Variants in PADI2 observed in about 807,000 individuals in gnomAD.
The protein encoded by PADI2 is protein-arginine deiminase type-2.
In PADI2, 70 loss-of-function variants were observed where a neutral mutation model predicts 81.1. The ratio of observed to expected loss-of-function variants is 0.86; its 90% CI spans 0.71 to 1.05. The LOEUF (loss-of-function observed/expected upper bound fraction) is 1.05. PADI2 is among the 50% of genes least tolerant of loss of function. PADI2 has a pLI of 0.00. For missense variants in PADI2, 853 were observed against 889.9 expected (o/e 0.96, Z 0.53); for synonymous variants, 338 against 358.0 (o/e 0.94, Z 0.63).
chr1:17,079,227 C>T (rs2078325761), intron 11 of PADI2, 37 bp downstream of exon 11: 10 of 1,588,160 alleles, frequency 6.3e-6, no homozygotes, highest in Non-Finnish European at 8.6e-6. Context: ...GACTTCCCCA[C>T]TCCCACAGCC....
At chr1:17,112,464 T>C (rs1931615739) in intron 1 of PADI2, among the ~76,000 whole-genome samples, 1 of 151,960 alleles carries the variant, frequency 6.6e-6, no homozygotes, top group South Asian at 2.1e-4. Context: ...ATCCCCAGAG[T>C]GACCCCAGCT....
At position 17,074,930 on chromosome 1, in the gene PADI2, G is replaced by T; in HGVS notation, c.1475C>A (p.Ala492Asp). The T allele has an allele frequency of 2.5e-6, 4 of 1,612,136 alleles. 1 individual carries two copies. Among genetic ancestry groups the T allele is most frequent in the Non-Finnish European group, 3.4e-6 (4 of 1,178,838 alleles). ...PGTKKFLLLM[A>D]STSACYKLFR... ...GAGCTTGTAGCAGGCCGAGGTGCTGGCCATGAGTAGCAGGAATTTCTGCAA... is the reference window on the plus strand; with the variant it reads ...GAGCTTGTAGCAGGCCGAGGTGCTGTCCATGAGTAGCAGGAATTTCTGCAA... The change falls in exon 13 of 16, where the codon GCC becomes GAC. Residue 492 changes from alanine (A) to aspartate (D), a missense_variant. Physicochemically the swap from Ala to Asp is moderately radical, Grantham distance 126. Transcript: ENST00000375486.
At chr1:17,092,625 C>T (rs1930743416) in intron 5 of PADI2, 92 bp from the exon 6 acceptor site, 1 of 1,191,844 alleles carries the variant, frequency 8.4e-7, no homozygotes, top group African/African-American at 1.5e-5. Flanking sequence ...GGAAAAAATC[C>T]CCATGGATGT....
intron 6 of PADI2, among the ~76,000 whole-genome samples, chr1:17,091,397 A>G (rs1930689136): frequency 6.6e-6 from 1 of 151,728 alleles, no homozygotes; most frequent in South Asian, 2.1e-4. Context: ...AAACACATAC[A>G]TCATTATTAT....
chr1:17,069,134 A>G lies in PADI2; in HGVS notation c.1908T>C (p.Ser636=). ...CTTCCCCCAGAAATTTGTGGTAGGC[A>G]GAAATGTCGTCGATGAAGGTGCATT... is the stretch of plus-strand genomic sequence containing the variant. ...GLECTFIDDI[S]AYHKFLGEVH... is the part of the protein sequence containing the mutation. Residue 636 remains serine (S), a synonymous_variant, in exon 16 of 16, where the codon TCT becomes TCC. Transcript: ENST00000375486. 6.2e-7 allele frequency: 1 copy of G among 1,614,270 alleles called. No individual in the cohort carries two copies. Among genetic ancestry groups the G allele is most frequent in the Non-Finnish European group, 8.5e-7 (1 of 1,180,038 alleles).
intron 1 of PADI2, among the ~76,000 whole-genome samples, chr1:17,108,810 T>C (rs926445645): frequency 6.6e-6 from 1 of 152,174 alleles, no homozygotes; most frequent in African/African-American, 2.4e-5. Context: ...AAGAAAAATG[T>C]GAGCTGGGTT....
intron 13 of PADI2, 97 bp downstream of exon 13, chr1:17,074,759 G>C: frequency 1.5e-6 from 1 of 681,754 alleles, no homozygotes; most frequent in Admixed American, 2.5e-5. Context: ...GTGGAGCTGG[G>C]TGCTCAGGGA....
At chr1:17,090,219 C>T (rs1930635216) in intron 6 of PADI2, among the ~76,000 whole-genome samples, 1 of 152,222 alleles carries the variant, frequency 6.6e-6, no homozygotes, top group African/African-American at 2.4e-5. Flanking sequence ...TTCCAAAGGC[C>T]AGCTACTGCA....
chr1:17,099,317 A>C (rs183787542), intron 3 of PADI2, among the ~76,000 whole-genome samples: 4 of 152,264 alleles, frequency 2.6e-5, no homozygotes, highest in Admixed American at 2.0e-4. Context: ...GGTTGATGTT[A>C]AAATTTTCTG....
rs777635340 is a variant in PADI2, at chr1:17,071,467, C to T, written c.1574G>A (p.Arg525Gln). The change falls in exon 14 of 16, where the codon CGA becomes CAA. Residue 525 changes from arginine to glutamine, a missense_variant. Coordinates refer to ENST00000375486, the MANE Select transcript of PADI2 (RefSeq NM_007365.3). ...GGACAGAATCTTGTTGATGGTGATT[C>T]GCTTGCTGCTCATCCCACCCAAGCC... is the stretch of plus-strand genomic sequence containing the variant. ...FKGLGGMSSKRITINKILSNE... is the reference protein window; with the variant it reads ...FKGLGGMSSKQITINKILSNE... The T allele has an allele frequency of 1.2e-5, 19 of 1,614,068 alleles. No individual in the cohort carries two copies. The highest frequency in any genetic ancestry group is 2.2e-5 in the East Asian group (1 of 44,884).
chr1:17,069,099 C>G lies in PADI2; in HGVS notation c.1943G>C (p.Gly648Ala). The change falls in exon 16 of 16, where the codon GGC becomes GCC. Residue 648 changes from glycine (G) to alanine (A), a missense_variant. Gly to Ala is a moderately conservative substitution (Grantham distance 60). Coordinates refer to ENST00000375486, the MANE Select transcript of PADI2 (RefSeq NM_007365.3). ...GAAGGGCTTCCTGCGGACGTTGGTG[C>G]CACAGTGGACTTCCCCCAGAAATTT... ...YHKFLGEVHC[G>A]TNVRRKPFTF... The G allele has an allele frequency of 6.2e-7, 1 of 1,614,228 alleles. No individual in the cohort carries two copies. Among genetic ancestry groups the G allele is most frequent in the East Asian group, 2.2e-5 (1 of 44,884 alleles).
At chr1:17,103,491 CT>C (rs1418725463) in intron 2 of PADI2, among the ~76,000 whole-genome samples, 1 of 152,136 alleles carries the variant, frequency 6.6e-6, no homozygotes, top group African/African-American at 2.4e-5. Flanking sequence ...TGGTCTCAGC[CT>C]CACCACTTAG....
intron 5 of PADI2, among the ~76,000 whole-genome samples, chr1:17,093,080 ATTCTTC>A (rs536299964): frequency 6.7e-5 from 10 of 150,096 alleles, no homozygotes; most frequent in Non-Finnish European, 1.0e-4. Context: ...TTTTCTTTTT[ATTCTTC>A]TTCTTCTTCT....
rs575633877 is a variant in PADI2, at chr1:17,096,796, CCA to C, written c.350-828_350-827del. On this transcript the variant is annotated intron_variant, in intron 3 of 15. Transcript: ENST00000375486. The stretch of plus-strand genomic sequence containing the variant: ...GCAGGTTAGAGGACCTCTCTGAGCC[CCA>C]GTTTCCTCACTTGTAACATGGGGCC... 1.9e-4 allele frequency among the ~76,000 whole-genome samples: 29 copies of C among 152,308 alleles called. 1 individual carries two copies. In the South Asian group the frequency reaches 5.8e-3, roughly 30 times the overall value.
At chr1:17,111,759 C>T (rs1447754090) in intron 1 of PADI2, among the ~76,000 whole-genome samples, 3 of 152,142 alleles carry the variant, frequency 2.0e-5, no homozygotes, top group Admixed American at 6.5e-5. Context: ...AATGTTGATG[C>T]TGCTGGTCCC....
chr1:17,082,821 G>A, intron 9 of PADI2, 169 bp from the exon 10 acceptor site: 1 of 557,420 alleles, frequency 1.8e-6, no homozygotes, highest in Non-Finnish European at 3.2e-6. Context: ...CAGCACAGGT[G>A]TCCATAGGCA....
chr1:17,109,127 G>A (rs1931484030), intron 1 of PADI2, among the ~76,000 whole-genome samples: 1 of 152,122 alleles, frequency 6.6e-6, no homozygotes, highest in Non-Finnish European at 1.5e-5. Context: ...GCTCACACCT[G>A]TAACCCCAGC....
chr1:17,105,714 T>A (rs1294027897), intron 1 of PADI2, among the ~76,000 whole-genome samples: 1 of 152,120 alleles, frequency 6.6e-6, no homozygotes, highest in Non-Finnish European at 1.5e-5. Context: ...AAAAGAAGAC[T>A]TCTGGAGGGG....
Position 17,107,516 on chromosome 1 carries a change from C to T in PADI2, c.93-2455G>A, listed in dbSNP as rs548382402. On this transcript the variant is annotated intron_variant, in intron 1 of 15. Coordinates refer to ENST00000375486, the MANE Select transcript of PADI2 (RefSeq NM_007365.3). ...GGGCCCCATCTCAGAGCATCCAATT[C>T]AGGAGGTCTGGCATGGGGCCCAAGA... Among the ~76,000 whole-genome samples the T allele has an allele frequency of 5.3e-5, 8 of 152,334 alleles. No individual in the cohort carries two copies. The South Asian group carries it at 1.5e-3, about 28-fold the overall frequency.
Sources: gnomAD v4.1 joint callset for allele counts (sites outside exome capture counted in the v4.1 genomes callset) on GRCh38, gnomAD v4.1.1 for gene constraint, MANE v1.5 for transcripts, NCBI Gene and HGNC (gene_info 2026-07-23, HGNC 2026-07-21) for gene names.